Variants in PTPRD observed in about 807,000 individuals in gnomAD.
PTPRD encodes protein tyrosine phosphatase receptor type D, also known as receptor-type tyrosine-protein phosphatase delta.
Under a neutral mutation model 214.5 loss-of-function variants are expected in PTPRD, and 34 were observed. That is an observed-to-expected ratio of 0.16 (90% CI 0.12 to 0.21). The LOEUF (loss-of-function observed/expected upper bound fraction) is 0.21, where lower values mean the gene tolerates loss of function less well. Ranked by LOEUF, PTPRD falls within the 10% of genes least tolerant of loss-of-function variation. The pLI is 1.00. For synonymous variants in PTPRD, 1,128 were observed against 845.7 expected, an observed-to-expected ratio of 1.33 and a Z score of -5.79; for missense variants, 2,545 against 2,398.7, an observed-to-expected ratio of 1.06 and a Z score of -1.27.
intron 8 of PTPRD, among the ~76,000 whole-genome samples, chr9:9,550,057 A>T (rs903358245): frequency 6.6e-6 from 1 of 152,044 alleles, no homozygotes; most frequent in African/African-American, 2.4e-5. Context: ...ATATTTTTAA[A>T]ATGTGATTAA....
chr9:10,429,498 A>G (rs2098656874), intron 2 of PTPRD, among the ~76,000 whole-genome samples: 1 of 151,984 alleles, frequency 6.6e-6, no homozygotes, highest in African/African-American at 2.4e-5. Context: ...TTCAGTTATA[A>G]AAAAGAATGA....
At position 8,404,664 on chromosome 9, in the gene PTPRD, T is replaced by C. The variant is rs1239132834; in HGVS notation, c.4087-4A>G. The C allele has an allele frequency of 6.2e-7, 1 of 1,607,274 alleles. No individual in the cohort carries two copies. Among genetic ancestry groups the C allele is most frequent in the East Asian group, 2.2e-5 (1 of 44,588 alleles). On this transcript the variant is annotated splice_polypyrimidine_tract_variant and splice_region_variant and intron_variant, in intron 35 of 45. Coordinates refer to ENST00000381196, the MANE Select transcript of PTPRD (RefSeq NM_002839.4). ...ACTGCTGGCCAGGGTCAATTGACTTTAAAAGGAAAACAACACATATACACA... is the reference window on the plus strand; with the variant it reads ...ACTGCTGGCCAGGGTCAATTGACTTCAAAAGGAAAACAACACATATACACA...
At chr9:9,175,226 A>T (rs1220291179) in intron 10 of PTPRD, among the ~76,000 whole-genome samples, 1 of 152,168 alleles carries the variant, frequency 6.6e-6, no homozygotes, top group Non-Finnish European at 1.5e-5. Context: ...GTTGTCTTTC[A>T]TGTTACCCTG....
Position 9,090,268 on chromosome 9 carries a change from G to T in PTPRD, c.-142-71533C>A, listed in dbSNP as rs968399346. Among the ~76,000 whole-genome samples, 10 of 152,000 alleles carry T rather than the reference G, an allele frequency of 6.6e-5. No individual in the cohort carries two copies. The East Asian group carries it at 1.7e-3, about 26-fold the overall frequency. ...TCATTCTATTCTCTACCTCTATAAGGTACACTTTTTTAGCCCCCACATATA... is the reference window on the plus strand; with the variant it reads ...TCATTCTATTCTCTACCTCTATAAGTTACACTTTTTTAGCCCCCACATATA... On this transcript the variant is annotated intron_variant, in intron 10 of 45. Coordinates refer to ENST00000381196, the MANE Select transcript of PTPRD (RefSeq NM_002839.4).
chr9:10,462,100 A>G lies in PTPRD; in HGVS notation c.-599-121083T>C, dbSNP rs531709216. Reference sequence around the variant, plus strand: ...GAGAGATTTAATGTAAACTATGAGGAATGATAGTTAGCGTATTATATACAG... The same window carrying G: ...GAGAGATTTAATGTAAACTATGAGGGATGATAGTTAGCGTATTATATACAG... On this transcript the variant is annotated intron_variant, in intron 2 of 45. Coordinates refer to ENST00000381196, the MANE Select transcript of PTPRD (RefSeq NM_002839.4). Among the ~76,000 whole-genome samples the G allele has an allele frequency of 1.5e-3, 222 of 152,242 alleles. 3 individuals carry two copies. The East Asian group carries it at 0.041, about 28-fold the overall frequency.
chr9:10,123,232 A>C (rs1017298432), intron 3 of PTPRD, among the ~76,000 whole-genome samples: 1 of 152,202 alleles, frequency 6.6e-6, no homozygotes, highest in Non-Finnish European at 1.5e-5. Context: ...CTATCCTTTA[A>C]ATTTGCCTCT....
chr9:9,468,261 C>T (rs2094353785), intron 8 of PTPRD, among the ~76,000 whole-genome samples: 1 of 151,636 alleles, frequency 6.6e-6, no homozygotes, highest in African/African-American at 2.4e-5. Flanking sequence ...AACTTCATTT[C>T]CTATAATATT....
intron 8 of PTPRD, among the ~76,000 whole-genome samples, chr9:9,492,513 C>G (rs573954687): frequency 2.6e-4 from 40 of 152,114 alleles, no homozygotes; most frequent in African/African-American, 8.9e-4. Context: ...CATATGACAG[C>G]TGATTAATGT....
At chr9:9,742,976 G>T (rs544326002) in intron 6 of PTPRD, among the ~76,000 whole-genome samples, 15 of 152,062 alleles carry the variant, frequency 9.9e-5, no homozygotes, top group African/African-American at 3.6e-4. Context: ...TAATTAATAG[G>T]CATAACTGTA....
intron 5 of PTPRD, among the ~76,000 whole-genome samples, chr9:9,865,292 T>G (rs1307208307): frequency 6.6e-6 from 1 of 152,212 alleles, no homozygotes; most frequent in African/African-American, 2.4e-5. Context: ...GTGGCAGTAT[T>G]GAGAGGCGGA....
intron 39 of PTPRD, among the ~76,000 whole-genome samples, chr9:8,373,701 ATATTTGC>A (rs1434067455): frequency 1.3e-5 from 2 of 150,060 alleles, no homozygotes; most frequent in African/African-American, 2.5e-5. Flanking sequence ...CTTATCTCTC[ATATTTGC>A]TATTTGCTTG....
intron 9 of PTPRD, among the ~76,000 whole-genome samples, chr9:9,370,186 A>T (rs1037785367): frequency 6.6e-6 from 1 of 152,060 alleles, no homozygotes; most frequent in Non-Finnish European, 1.5e-5. Context: ...CATTGAATCT[A>T]TAAATTACTT....
At chr9:10,505,894 A>G (rs550256338) in intron 2 of PTPRD, among the ~76,000 whole-genome samples, 85 of 152,270 alleles carry the variant, frequency 5.6e-4, no homozygotes, top group African/African-American at 1.9e-3. Flanking sequence ...ATATATCAAT[A>G]CATAAGCAGA....
intron 3 of PTPRD, among the ~76,000 whole-genome samples, chr9:10,036,252 C>G (rs953025348): frequency 6.6e-6 from 1 of 152,150 alleles, no homozygotes; most frequent in Non-Finnish European, 1.5e-5. Flanking sequence ...TAATCCCTTT[C>G]TCCTTGACAT....
chr9:8,964,012 T>C (rs1297252599), intron 11 of PTPRD, among the ~76,000 whole-genome samples: 1 of 151,994 alleles, frequency 6.6e-6, no homozygotes, highest in Non-Finnish European at 1.5e-5. Context: ...TGTAGTTTTC[T>C]TTTTTGTTGT....
chr9:10,311,170 A>G (rs1040136027), intron 3 of PTPRD, among the ~76,000 whole-genome samples: 4 of 151,976 alleles, frequency 2.6e-5, no homozygotes, highest in African/African-American at 9.7e-5. Flanking sequence ...GTACTAGGGA[A>G]AAAACCTAGG....
chr9:10,238,661 T>C lies in PTPRD; in HGVS notation c.-545+102302A>G, dbSNP rs185311713. ...GCTAATTAACCTATATTCATGGGAT[T>C]AATATGCAGATATGAAAATCCTATC... On this transcript the variant is annotated intron_variant, in intron 3 of 45. Coordinates refer to ENST00000381196, the MANE Select transcript of PTPRD (RefSeq NM_002839.4). Among the ~76,000 whole-genome samples, 409 of 152,072 alleles carry C rather than the reference T, an allele frequency of 2.7e-3. 5 individuals carry two copies. The highest frequency in any genetic ancestry group is 9.4e-3 in the African/African-American group (390 of 41,544).
At chr9:8,730,735 T>A (rs2098648075) in intron 12 of PTPRD, among the ~76,000 whole-genome samples, 1 of 152,204 alleles carries the variant, frequency 6.6e-6, no homozygotes, top group Non-Finnish European at 1.5e-5. Flanking sequence ...TACTATAATC[T>A]ATATGAATCT....
chr9:8,986,665 A>G (rs930900466), intron 11 of PTPRD, among the ~76,000 whole-genome samples: 1 of 152,068 alleles, frequency 6.6e-6, no homozygotes, highest in East Asian at 1.9e-4. Context: ...TGAACATCTT[A>G]GAACACAAAT....
Sources: gnomAD v4.1 joint callset for allele counts (sites outside exome capture counted in the v4.1 genomes callset) on GRCh38, gnomAD v4.1.1 for gene constraint, MANE v1.5 for transcripts, NCBI Gene and HGNC (gene_info 2026-07-23, HGNC 2026-07-21) for gene names.